The following SEMA6D variants were observed in gnomAD, a reference collection of about 807,000 sequenced individuals.
SEMA6D encodes semaphorin-6D.
In SEMA6D, 35 loss-of-function variants were observed where a neutral mutation model predicts 106.6. The ratio of observed to expected loss-of-function variants is 0.33; its 90% confidence interval spans 0.25 to 0.44. The LOEUF (loss-of-function observed/expected upper bound fraction) is 0.44. SEMA6D is among the 20% of genes least tolerant of loss of function. The pLI is 1.00. For missense variants in SEMA6D, 1,185 were observed against 1,345.9 expected, an observed-to-expected ratio of 0.88 and a Z score of 1.87; for synonymous variants, 499 against 487.7, an observed-to-expected ratio of 1.02 and a Z score of -0.31.
intron 3 of SEMA6D, chr15:47,525,409 G>C (rs2044719377): frequency 6.6e-6 from 1 of 152,190 alleles, no homozygotes; most frequent in Admixed American, 6.5e-5. Flanking sequence ...TGCATAGTTG[G>C]TCACATGGAG....
chr15:47,571,856 C>T (rs952945768), intron 3 of SEMA6D, among the ~76,000 whole-genome samples: 13 of 152,202 alleles, frequency 8.5e-5, no homozygotes, highest in African/African-American at 2.9e-4. Flanking sequence ...TGTGTGTGTA[C>T]ATGTACATCC....
intron 3 of SEMA6D, among the ~76,000 whole-genome samples, chr15:47,585,721 A>G (rs911494471): frequency 2.0e-5 from 3 of 152,170 alleles, no homozygotes; most frequent in Non-Finnish European, 4.4e-5. Context: ...AAATTGATCC[A>G]TCATTTACTA....
intron 2 of SEMA6D, among the ~76,000 whole-genome samples, chr15:47,451,296 C>G (rs2042184358): frequency 6.6e-6 from 1 of 151,978 alleles, no homozygotes; most frequent in South Asian, 2.1e-4. Flanking sequence ...GATGTGCATA[C>G]TACTGGGCGA....
At chr15:47,466,307 C>T (rs192953879) in intron 2 of SEMA6D, among the ~76,000 whole-genome samples, 37 of 152,214 alleles carry the variant, frequency 2.4e-4, no homozygotes, top group African/African-American at 8.4e-4. Flanking sequence ...ACAAAAATCC[C>T]TCCATTACTC....
At chr15:47,629,129 C>G (rs2077251521) in intron 4 of SEMA6D, among the ~76,000 whole-genome samples, 1 of 152,050 alleles carries the variant, frequency 6.6e-6, no homozygotes, top group Non-Finnish European at 1.5e-5. Context: ...CTCTTGATTA[C>G]TGCAGCTACA....
intron 4 of SEMA6D, among the ~76,000 whole-genome samples, chr15:47,695,109 C>G (rs2078671416): frequency 6.6e-6 from 1 of 152,182 alleles, no homozygotes; most frequent in Non-Finnish European, 1.5e-5. Context: ...ACTAGGTGGT[C>G]CATGCTTGTT....
chr15:47,381,900 C>T (rs1046962953), intron 1 of SEMA6D, among the ~76,000 whole-genome samples: 1 of 152,098 alleles, frequency 6.6e-6, no homozygotes, highest in Non-Finnish European at 1.5e-5. Context: ...TCCTACTTGG[C>T]CCCTCTCTGC....
intron 1 of SEMA6D, among the ~76,000 whole-genome samples, chr15:47,250,562 C>T (rs1004243979): frequency 4.6e-5 from 7 of 152,138 alleles, no homozygotes; most frequent in African/African-American, 1.2e-4. Context: ...ACTTTCTTTA[C>T]GTAATTTTTC....
chr15:47,489,314 T>C (rs2043393069), intron 3 of SEMA6D, among the ~76,000 whole-genome samples: 1 of 152,204 alleles, frequency 6.6e-6, no homozygotes, highest in Non-Finnish European at 1.5e-5. Context: ...TTTCCACAAC[T>C]CTGAGAGAAT....
Position 47,759,922 on chromosome 15 carries a change from G to C in SEMA6D, c.109+15G>C. On this transcript the variant is annotated intron_variant, in intron 2 of 18. Coordinates refer to ENST00000536845, the MANE Select transcript of SEMA6D (RefSeq NM_001358351.3). ...CGACTATCACTGTAAGTCGTCTCAA[G>C]AACAGTCTTCTATTCTGAGAAGGAA... is the stretch of plus-strand genomic sequence containing the variant. The C allele has an allele frequency of 6.5e-7, 1 of 1,549,472 alleles. No homozygotes were observed. The highest frequency in any genetic ancestry group is 8.9e-7 in the Non-Finnish European group (1 of 1,121,152).
intron 3 of SEMA6D, among the ~76,000 whole-genome samples, chr15:47,586,926 T>C (rs1259586883): frequency 6.7e-6 from 1 of 149,688 alleles, no homozygotes; most frequent in East Asian, 2.0e-4. Context: ...TGTCTGTGTT[T>C]GTCTTCAGCT....
intron 1 of SEMA6D, among the ~76,000 whole-genome samples, chr15:47,255,196 A>G (rs1048433010): frequency 1.3e-5 from 2 of 152,102 alleles, no homozygotes; most frequent in African/African-American, 4.8e-5. Flanking sequence ...CAAGGAACTT[A>G]CCAGTTTTTT....
chr15:47,568,116 T>C (rs1405592481), intron 3 of SEMA6D, among the ~76,000 whole-genome samples: 1 of 150,698 alleles, frequency 6.6e-6, no homozygotes, highest in Non-Finnish European at 1.5e-5. Flanking sequence ...CTGGTGGAGA[T>C]GTAACTTGGA....
chr15:47,502,306 G>T (rs12440266), intron 3 of SEMA6D, among the ~76,000 whole-genome samples: 4 of 152,088 alleles, frequency 2.6e-5, no homozygotes, highest in African/African-American at 9.7e-5. Context: ...CCTTTGACCC[G>T]TGTCATTGAC....
chr15:47,380,077 G>A (rs1005647190), intron 1 of SEMA6D, among the ~76,000 whole-genome samples: 2 of 152,036 alleles, frequency 1.3e-5, no homozygotes, highest in Admixed American at 1.3e-4. Context: ...CTGTAGCCTG[G>A]GTAAGTTTCA....
intron 3 of SEMA6D, among the ~76,000 whole-genome samples, chr15:47,546,419 TTGTC>T (rs914652164): frequency 1.3e-5 from 2 of 152,136 alleles, no homozygotes; most frequent in Admixed American, 6.6e-5. Context: ...CTGCTTTATC[TTGTC>T]TGTCTAATTA....
At chr15:47,595,261 G>C (rs1202419280) in intron 3 of SEMA6D, among the ~76,000 whole-genome samples, 1 of 152,116 alleles carries the variant, frequency 6.6e-6, no homozygotes, top group Admixed American at 6.5e-5. Context: ...TACCTAGTTT[G>C]TTGAGAATTT....
At chr15:47,274,821 A>G (rs1024516785) in intron 1 of SEMA6D, 2 of 152,062 alleles carry the variant, frequency 1.3e-5, no homozygotes, top group Non-Finnish European at 2.9e-5. Context: ...CATTCATATC[A>G]ATCAGGAAGT....
rs754384035 is a variant in SEMA6D at position 47,764,929 on chromosome 15, C to A, written c.1300C>A (p.Gln434Lys). ...AGTGGACCATTCAGCCGGACCCTAC[C>A]AGAACTACACAGTCATCTTTGTTGG... ...ISVDHSAGPY[Q>K]NYTVIFVGSE... The change falls in exon 13 of 19, where the codon CAG (glutamine) becomes AAG (lysine). Residue 434 changes from glutamine to lysine, a missense_variant. Gln to Lys is a moderately conservative substitution (Grantham distance 53). Around this residue, in one of 3 missense-constraint regions of SEMA6D, gnomAD observed 291 missense variants for 423.8 expected, o/e 0.69. Coordinates refer to ENST00000536845, the MANE Select transcript of SEMA6D (RefSeq NM_001358351.3). 6.2e-7 allele frequency: 1 copy of A among 1,613,664 alleles called. No homozygotes were observed. Among genetic ancestry groups the A allele is most frequent in the Non-Finnish European group, 8.5e-7 (1 of 1,179,808 alleles).
Sources: allele counts gnomAD v4.1 joint callset (sites outside exome capture counted in the v4.1 genomes callset), GRCh38; gene constraint gnomAD v4.1.1; regional missense constraint gnomAD v4.1.1; transcripts MANE v1.5; gene names NCBI Gene and HGNC (gene_info 2026-07-23, HGNC 2026-07-21).